PRKAR1A: variants seen among roughly 807,000 people sequenced by gnomAD.
PRKAR1A encodes protein kinase cAMP-dependent type I regulatory subunit alpha, also known as cAMP-dependent protein kinase type I-alpha regulatory subunit.
Under a neutral mutation model 52.0 loss-of-function variants are expected in PRKAR1A, and 3 were observed. The observed-to-expected ratio is 0.06, with a 90% CI of 0.03 to 0.15. The LOEUF is 0.15. Ranked by LOEUF, PRKAR1A falls within the 10% of genes least tolerant of loss-of-function variation. The probability of loss-of-function intolerance (pLI) is 1.00; values close to 1 mark genes in which losing one functional copy is unlikely to be tolerated. For synonymous variants in PRKAR1A, 188 were observed against 168.4 expected, an observed-to-expected ratio of 1.12 and a Z score of -0.90; for missense variants, 240 against 477.4, an observed-to-expected ratio of 0.50 and a Z score of 4.63.
chr17:68,520,488 A>G (rs2085570506), intron 2 of PRKAR1A, among the ~76,000 whole-genome samples: 4 of 152,134 alleles, frequency 2.6e-5, no homozygotes, highest in Admixed American at 2.0e-4. Flanking sequence ...TAACATTTGT[A>G]TGTTTTTATG....
the PRKAR1A span, among the ~76,000 whole-genome samples, chr17:68,485,152 G>A: frequency 6.6e-6 from 1 of 152,180 alleles, no homozygotes; most frequent in Non-Finnish European, 1.5e-5. Flanking sequence ...AACTATCATG[G>A]AAAAATGATC....
At position 68,532,145 on chromosome 17, in the gene PRKAR1A, A is replaced by C. The variant is rs1355145314; in HGVS notation, c.*1696A>C. ...TACAAATTTTTTAATTTCCAAAATA[A>C]TCTATATTAAATGAGGGTTTCTGAT... On this transcript the variant is annotated 3_prime_UTR_variant, in exon 11 of 11. Coordinates refer to ENST00000589228, the MANE Select transcript of PRKAR1A (RefSeq NM_002734.5). 3 of 1,054,498 alleles carry C rather than the reference A, an allele frequency of 2.8e-6. No homozygotes were observed. The highest frequency in any genetic ancestry group is 3.5e-6 in the Non-Finnish European group (3 of 869,380). The allele number at this position is 1,054,498 out of a possible 1,614,324, so 65.3% of individuals were successfully genotyped here.
intron 11 of PRKAR1A, chr17:68,542,256 G>A (rs2086334000): frequency 3.6e-6 from 5 of 1,386,670 alleles, no homozygotes; most frequent in Non-Finnish European, 5.1e-6. Flanking sequence ...GGAGGGAAGG[G>A]AAACCCTGAA....
the PRKAR1A span, chr17:68,428,824 T>C: frequency 1.2e-6 from 2 of 1,610,300 alleles, no homozygotes; most frequent in African/African-American, 2.7e-5. Flanking sequence ...AAGCAGTCTC[T>C]TCACCTGTGG....
At chr17:68,424,087 C>A in the PRKAR1A span, among the ~76,000 whole-genome samples, 2 of 152,084 alleles carry the variant, frequency 1.3e-5, no homozygotes, top group Non-Finnish European at 2.9e-5. Context: ...AGAAGAACGC[C>A]CTTTAAGGCC....
chr17:68,523,650 A>T (rs985334161), intron 3 of PRKAR1A, 75 bp from the exon 4 acceptor site: 6 of 1,127,754 alleles, frequency 5.3e-6, no homozygotes, highest in African/African-American at 3.0e-5. Flanking sequence ...CTTGACATTT[A>T]ATTGAAGCGC....
At chr17:68,547,750 C>T (rs945806494) in intron 11 of PRKAR1A, among the ~76,000 whole-genome samples, 19 of 152,316 alleles carry the variant, frequency 1.2e-4, no homozygotes, top group African/African-American at 4.6e-4. Flanking sequence ...CTTAAACTTG[C>T]TCCGTATCAG....
chr17:68,535,940 A>C (rs757512245), downstream of PRKAR1A: 4 of 453,958 alleles, frequency 8.8e-6, no homozygotes, highest in Non-Finnish European at 1.8e-5. Context: ...ACTCTCTCTG[A>C]GATTTAAAGT....
chr17:68,501,740 G>GATCTCAGAACTC, the PRKAR1A span, among the ~76,000 whole-genome samples: 23 of 152,210 alleles, frequency 1.5e-4, 1 homozygote, highest in Admixed American at 1.5e-3. Context: ...TTACAGGCAT[G>GATCTCAGAACTC]AGCCACCATG....
chr17:68,434,496 C>T, the PRKAR1A span: 1 of 1,582,864 alleles, frequency 6.3e-7, no homozygotes, highest in South Asian at 1.1e-5. Flanking sequence ...AGACAGCTGC[C>T]AGCGGTCCCT....
the PRKAR1A span, among the ~76,000 whole-genome samples, chr17:68,468,623 C>G: frequency 1.3e-5 from 2 of 152,134 alleles, no homozygotes; most frequent in Admixed American, 6.5e-5. Flanking sequence ...TCCATGATCT[C>G]CTATTTTCCT....
At chr17:68,436,483 G>A in the PRKAR1A span, 1 of 1,613,440 alleles carries the variant, frequency 6.2e-7, no homozygotes, top group South Asian at 1.1e-5. Flanking sequence ...CATAGACCTG[G>A]CAAAGAAGAA....
chr17:68,521,756 G>A (rs2085616898), intron 2 of PRKAR1A, among the ~76,000 whole-genome samples: 1 of 152,210 alleles, frequency 6.6e-6, no homozygotes, highest in South Asian at 2.1e-4. Flanking sequence ...TGCTTTTCTT[G>A]AATGCTGCCA....
chr17:68,536,215 C>G (rs771420640), downstream of PRKAR1A: 1 of 454,098 alleles, frequency 2.2e-6, no homozygotes, highest in Admixed American at 2.3e-5. Context: ...ACCTTGTACT[C>G]TCTTTAGTGA....
intron 2 of PRKAR1A, among the ~76,000 whole-genome samples, chr17:68,520,415 A>G (rs1208379939): frequency 6.6e-6 from 1 of 152,216 alleles, no homozygotes; most frequent in Non-Finnish European, 1.5e-5. Context: ...CAGAGTCAAG[A>G]ACATAATTAA....
chr17:68,415,439 T>C, the PRKAR1A span, among the ~76,000 whole-genome samples: 1 of 152,190 alleles, frequency 6.6e-6, no homozygotes, highest in Admixed American at 6.5e-5. Context: ...TGTGGCCTAT[T>C]GTATGGTCTG....
chr17:68,546,817 G>A (rs114484262), intron 11 of PRKAR1A, among the ~76,000 whole-genome samples: 2,141 of 136,926 alleles, frequency 0.016, 55 homozygotes, highest in African/African-American at 0.054. Context: ...GCGAGAGTGC[G>A]AGACTACGGC....
At chr17:68,468,569 T>G in the PRKAR1A span, among the ~76,000 whole-genome samples, 1 of 152,214 alleles carries the variant, frequency 6.6e-6, no homozygotes, top group Non-Finnish European at 1.5e-5. Context: ...CAAATGCTCA[T>G]TGGCTAAAGC....
chr17:68,517,568 C>G (rs2085471768), intron 2 of PRKAR1A, among the ~76,000 whole-genome samples: 1 of 152,196 alleles, frequency 6.6e-6, no homozygotes, highest in Admixed American at 6.5e-5. Context: ...GACTCACTCA[C>G]TATCATGATA....
Sources: allele counts gnomAD v4.1 joint callset (sites outside exome capture counted in the v4.1 genomes callset), GRCh38; gene constraint gnomAD v4.1.1; transcripts MANE v1.5; gene names NCBI Gene and HGNC (gene_info 2026-07-23, HGNC 2026-07-21).